AFF1: variants seen among roughly 807,000 people sequenced by gnomAD.
The protein encoded by AFF1 is AF4/FMR2 family member 1.
In AFF1, 48 loss-of-function variants were observed where a neutral mutation model predicts 121.7. The observed-to-expected ratio is 0.39, with a 90% CI of 0.31 to 0.50. The LOEUF (loss-of-function observed/expected upper bound fraction) is 0.50, where lower values mean the gene tolerates loss of function less well. Ranked by LOEUF, AFF1 falls within the 20% of genes least tolerant of loss-of-function variation. The pLI, the probability that AFF1 is intolerant of heterozygous loss-of-function variation, is 0.76. For missense variants in AFF1, 1,523 were observed against 1,511.7 expected, an observed-to-expected ratio of 1.01 and a Z score of -0.12; for synonymous variants, 613 against 563.0, an observed-to-expected ratio of 1.09 and a Z score of -1.26.
chr4:87,014,077 T>A (rs890439318), intron 2 of AFF1, among the ~76,000 whole-genome samples: 2 of 152,168 alleles, frequency 1.3e-5, no homozygotes, highest in Non-Finnish European at 2.9e-5. Context: ...CCATAAAATT[T>A]ATCCTTATAT....
intron 4 of AFF1, among the ~76,000 whole-genome samples, chr4:87,052,328 A>G (rs1303878676): frequency 6.6e-6 from 1 of 152,164 alleles, no homozygotes; most frequent in East Asian, 1.9e-4. Flanking sequence ...TAGGAGGATC[A>G]CTTGAGCCTG....
At chr4:87,089,336 T>A (rs959347244) in intron 5 of AFF1, among the ~76,000 whole-genome samples, 1 of 152,238 alleles carries the variant, frequency 6.6e-6, no homozygotes, top group African/African-American at 2.4e-5. Context: ...AAGATACATA[T>A]ATCAATTGTA....
chr4:86,939,314 T>C (rs1720285333), intron 1 of AFF1, among the ~76,000 whole-genome samples: 1 of 152,216 alleles, frequency 6.6e-6, no homozygotes, highest in Non-Finnish European at 1.5e-5. Flanking sequence ...CCTGGTGCCC[T>C]TTCTACTATG....
At chr4:87,011,223 G>GC (rs1717561756) in intron 2 of AFF1, among the ~76,000 whole-genome samples, 1 of 152,150 alleles carries the variant, frequency 6.6e-6, no homozygotes, top group African/African-American at 2.4e-5. Context: ...TGGTGGCTGA[G>GC]CACGGAGCTT....
chr4:87,122,152 A>G (rs1312856799), intron 12 of AFF1, among the ~76,000 whole-genome samples: 1 of 152,200 alleles, frequency 6.6e-6, no homozygotes, highest in East Asian at 1.9e-4. Flanking sequence ...ATATTTTAGC[A>G]AATTTTGACT....
At chr4:87,133,402 T>C (rs187575403) in intron 19 of AFF1, among the ~76,000 whole-genome samples, 1 of 152,322 alleles carries the variant, frequency 6.6e-6, no homozygotes, top group Admixed American at 6.5e-5. Flanking sequence ...GCCCTATTTC[T>C]AGCACATTCA....
chr4:86,983,249 T>G (rs767364611), intron 2 of AFF1, among the ~76,000 whole-genome samples: 6 of 151,942 alleles, frequency 3.9e-5, no homozygotes, highest in Admixed American at 6.6e-5. Context: ...AAACTAAGGC[T>G]GGGCACAGCG....
At chr4:87,073,280 CAAAAAAAAAAAAAAAAA>C (rs55821662) in intron 4 of AFF1, among the ~76,000 whole-genome samples, 1,417 of 83,746 alleles carry the variant, frequency 0.017, 28 homozygotes, top group Middle Eastern at 0.05. Context: ...GCATTAAAGC[CAAAAAAAAAAAAAAAAA>C]AAAAAAAAAA....
In AFF1 at chr4:87,114,640, C is replaced by T; in HGVS notation, c.1807C>T (p.Gln603Ter). The change falls in exon 12 of 21, where the codon CAA (glutamine) becomes TAA (stop). Residue 603 changes from glutamine (Q) to a stop codon, truncating the protein, a stop_gained. Transcript: ENST00000395146. LOFTEE classifies it high-confidence loss of function. ...GTCTCCGGCACAGCAGGAGCCCCCA[C>T]AAAGGCAAACCGTTGGAACCAAACA... ...QKSPAQQEPP[Q>*]RQTVGTKQPK... 6.2e-7 allele frequency: 1 copy of T among 1,612,594 alleles called. No homozygotes were observed. Among genetic ancestry groups the T allele is most frequent in the Non-Finnish European group, 8.5e-7 (1 of 1,179,758 alleles).
At position 87,027,967 on chromosome 4, in the gene AFF1, C is replaced by A. The variant is rs1728696095; in HGVS notation, c.39-18199C>A. ...GCACCACCAGGCCTGGCTACAAAATCTGAAACTTTTTGAGTGATGACATGA... is the reference window on the plus strand; with the variant it reads ...GCACCACCAGGCCTGGCTACAAAATATGAAACTTTTTGAGTGATGACATGA... On this transcript the variant is annotated intron_variant, in intron 2 of 20. Coordinates refer to ENST00000395146, the MANE Select transcript of AFF1 (RefSeq NM_001166693.3). Among the ~76,000 whole-genome samples the A allele has an allele frequency of 4.6e-5, 7 of 151,524 alleles. No individual in the cohort carries two copies. The South Asian group carries it at 1.5e-3, about 32-fold the overall frequency.
At chr4:87,020,182 A>C (rs922154519) in intron 2 of AFF1, among the ~76,000 whole-genome samples, 1 of 152,238 alleles carries the variant, frequency 6.6e-6, no homozygotes, top group African/African-American at 2.4e-5. Context: ...AAGTTGCTTC[A>C]AAGATCTGCA....
chr4:87,067,611 G>A (rs921446117), intron 4 of AFF1, among the ~76,000 whole-genome samples: 1 of 152,194 alleles, frequency 6.6e-6, no homozygotes, highest in Non-Finnish European at 1.5e-5. Context: ...TGCTGGATGT[G>A]TTTTTAGTGG....
At chr4:86,997,846 C>G (rs915973718) in intron 2 of AFF1, among the ~76,000 whole-genome samples, 1 of 145,758 alleles carries the variant, frequency 6.9e-6, no homozygotes, top group Admixed American at 6.8e-5. Flanking sequence ...TGGTGGCTCA[C>G]GCCTGTAATC....
chr4:87,114,236 G>A (rs1357558997), intron 11 of AFF1, 131 bp from the exon 12 acceptor site: 6 of 721,256 alleles, frequency 8.3e-6, no homozygotes, highest in East Asian at 3.0e-5. Context: ...GAGGATGACC[G>A]GAACCTAAAT....
At chr4:86,991,430 G>C (rs7676669) in intron 2 of AFF1, among the ~76,000 whole-genome samples, 1 of 143,730 alleles carries the variant, frequency 7.0e-6, no homozygotes, top group Non-Finnish European at 1.5e-5. Flanking sequence ...GGGCGACAGA[G>C]TGAGACTCCA....
At chr4:86,946,582 G>A (rs903932084) in intron 1 of AFF1, among the ~76,000 whole-genome samples, 1 of 151,684 alleles carries the variant, frequency 6.6e-6, no homozygotes, top group Non-Finnish European at 1.5e-5. Context: ...TAGCAGAGAC[G>A]GGTCTTGTCA....
At chr4:87,053,271 G>A (rs942529847) in intron 4 of AFF1, among the ~76,000 whole-genome samples, 1 of 152,160 alleles carries the variant, frequency 6.6e-6, no homozygotes, top group East Asian at 1.9e-4. Context: ...GTCACATCAT[G>A]TTAGGAACGT....
intron 19 of AFF1, among the ~76,000 whole-genome samples, chr4:87,132,778 C>T (rs1353054063): frequency 3.9e-5 from 6 of 152,202 alleles, no homozygotes; most frequent in South Asian, 4.1e-4. Context: ...GCAACCTCCA[C>T]CTCCCAGGTT....
chr4:86,991,170 C>T (rs369112927), intron 2 of AFF1, among the ~76,000 whole-genome samples: 98 of 151,990 alleles, frequency 6.4e-4, no homozygotes, highest in African/African-American at 2.1e-3. Flanking sequence ...AAAAAACCGG[C>T]GCAGTGGCTC....
Sources: gnomAD v4.1 joint callset for allele counts (sites outside exome capture counted in the v4.1 genomes callset) on GRCh38, gnomAD v4.1.1 for gene constraint, MANE v1.5 for transcripts, NCBI Gene and HGNC (gene_info 2026-07-23, HGNC 2026-07-21) for gene names.